USP8: variants seen among roughly 807,000 people sequenced by gnomAD.
USP8 encodes ubiquitin carboxyl-terminal hydrolase 8.
Under a neutral mutation model 130.0 loss-of-function variants are expected in USP8, and 27 were observed. The observed-to-expected ratio is 0.21, with a 90% CI of 0.15 to 0.29. USP8 has a LOEUF of 0.29. USP8 is among the 10% of genes least tolerant of loss of function. USP8 has a pLI of 1.00. For missense variants in USP8, 1,029 were observed against 1,312.2 expected (o/e 0.78, Z 3.33); for synonymous variants, 392 against 444.1 (o/e 0.88, Z 1.48).
At chr15:50,461,424 C>T (rs1337105033) in intron 5 of USP8, among the ~76,000 whole-genome samples, 2 of 145,082 alleles carry the variant, frequency 1.4e-5, no homozygotes, top group Admixed American at 1.4e-4. Flanking sequence ...CAACTGCACT[C>T]CAGCTTGAGC....
chr15:50,439,484 C>T (rs996269282), intron 2 of USP8, among the ~76,000 whole-genome samples: 3 of 152,036 alleles, frequency 2.0e-5, no homozygotes, highest in Non-Finnish European at 2.9e-5. Flanking sequence ...TTTCATAAAA[C>T]GATACAAAAA....
Position 50,493,583 on chromosome 15 carries a change from G to A in USP8, c.2448-487G>A, listed in dbSNP as rs546113190. Reference sequence around the variant, plus strand: ...AGTCTGGGCAACAAGGCAAAACTCCGTCTCTACAAAAATTAGCTAGGTGTG... The same window carrying A: ...AGTCTGGGCAACAAGGCAAAACTCCATCTCTACAAAAATTAGCTAGGTGTG... On this transcript the variant is annotated intron_variant, in intron 15 of 19. Transcript: ENST00000307179. 199 of 473,518 alleles carry A rather than the reference G, an allele frequency of 4.2e-4. 5 individuals carry two copies. Among genetic ancestry groups the A allele is most frequent in the South Asian group, 2.5e-3 (162 of 64,152 alleles). The allele number at this position is 473,518 out of a possible 1,614,324, so 29.3% of individuals were successfully genotyped here. A position where few individuals can be genotyped will look rare whatever the true frequency, so the allele number is the denominator to read the frequency against.
rs927981569 is a variant in USP8 at position 50,502,500 on chromosome 15, C to G, written c.*3412C>G. 2 of 152,390 alleles carry G rather than the reference C, an allele frequency of 1.3e-5. No homozygotes were observed. Among genetic ancestry groups the G allele is most frequent in the African/African-American group, 2.4e-5 (1 of 41,374 alleles). The allele number at this position is 152,390 out of a possible 1,614,324, so 9.4% of individuals were successfully genotyped here. A position where few individuals can be genotyped will look rare whatever the true frequency, so the allele number is the denominator to read the frequency against. ...TCTCCTGCCTCAGCCTCCCAAGTAA[C>G]TGGGATTACAGGCACGCACCACCAC... On this transcript the variant is annotated 3_prime_UTR_variant, in exon 20 of 20. Transcript: ENST00000307179.
intron 10 of USP8, among the ~76,000 whole-genome samples, chr15:50,480,163 T>C (rs1331506727): frequency 6.6e-6 from 1 of 152,238 alleles, no homozygotes; most frequent in Non-Finnish European, 1.5e-5. Flanking sequence ...TTTCTTTCAG[T>C]ACACAGTATT....
intron 12 of USP8, among the ~76,000 whole-genome samples, chr15:50,488,838 G>T (rs935433248): frequency 6.6e-6 from 1 of 151,684 alleles, no homozygotes; most frequent in Admixed American, 6.6e-5. Flanking sequence ...CTCCCAAAGC[G>T]CTGGGATTAC....
At chr15:50,448,316 T>C (rs2141264806) in intron 3 of USP8, among the ~76,000 whole-genome samples, 1 of 152,274 alleles carries the variant, frequency 6.6e-6, no homozygotes, top group East Asian at 1.9e-4. Flanking sequence ...GATCCAGTAA[T>C]CATTTAACTG....
chr15:50,450,882 A>G (rs533050917), intron 4 of USP8, among the ~76,000 whole-genome samples: 16 of 152,194 alleles, frequency 1.1e-4, no homozygotes, highest in South Asian at 2.1e-4. Flanking sequence ...AAATGTTAAT[A>G]GATAAAACCA....
chr15:50,427,839 G>A (rs146850830), intron 1 of USP8, among the ~76,000 whole-genome samples: 127 of 150,806 alleles, frequency 8.4e-4, no homozygotes, highest in African/African-American at 2.8e-3. Context: ...GATTATAGCC[G>A]TGAGCCACCA....
chr15:50,465,745 G>C (rs1430023103), intron 7 of USP8, among the ~76,000 whole-genome samples: 2 of 152,052 alleles, frequency 1.3e-5, no homozygotes, highest in Non-Finnish European at 2.9e-5. Context: ...TGTGATACAC[G>C]CTACACAAAT....
rs1161094463 is a variant in USP8 at position 50,512,098 on chromosome 15, G to C, written c.*13010G>C. On this transcript the variant is annotated 3_prime_UTR_variant, in exon 20 of 20. Coordinates refer to ENST00000307179, the MANE Select transcript of USP8 (RefSeq NM_005154.5). ...GAAGTGGTTCATGCCTGTAATCCGA[G>C]CACTTTGGGAGGCCAAGGTGGGTGC... The C allele has an allele frequency of 1.3e-5, 2 of 152,164 alleles. No individual in the cohort carries two copies. Among genetic ancestry groups the C allele is most frequent in the Non-Finnish European group, 2.9e-5 (2 of 68,044 alleles). 9.4% of individuals were successfully genotyped at this position (152,164 alleles called of 1,614,324 possible).
intron 10 of USP8, among the ~76,000 whole-genome samples, chr15:50,478,689 C>T (rs1392422098): frequency 6.6e-6 from 1 of 152,142 alleles, no homozygotes; most frequent in Non-Finnish European, 1.5e-5. Flanking sequence ...AACGCTAATC[C>T]TTTTGTGTCC....
intron 3 of USP8, among the ~76,000 whole-genome samples, chr15:50,446,911 G>A (rs1264981136): frequency 3.3e-5 from 5 of 152,192 alleles, no homozygotes; most frequent in African/African-American, 4.8e-5. Flanking sequence ...GATTACAAGC[G>A]TGAGCCACCT....
At chr15:50,474,297 C>A (rs1287598548) in intron 8 of USP8, among the ~76,000 whole-genome samples, 1 of 152,140 alleles carries the variant, frequency 6.6e-6, no homozygotes, top group Non-Finnish European at 1.5e-5. Context: ...GCCACCACAC[C>A]CAGTCAATTT....
chr15:50,433,816 A>G (rs34546811), intron 1 of USP8, among the ~76,000 whole-genome samples: 47,456 of 151,980 alleles, frequency 0.31, 7,566 homozygotes, highest in East Asian at 0.46. Flanking sequence ...CGTGTTAGCC[A>G]GGATGGTCTT....
intron 1 of USP8, among the ~76,000 whole-genome samples, chr15:50,436,257 T>G (rs1299254493): frequency 6.6e-6 from 1 of 152,102 alleles, no homozygotes; most frequent in Non-Finnish European, 1.5e-5. Flanking sequence ...CCTAAAGATG[T>G]TCTTTACTTT....
intron 4 of USP8, among the ~76,000 whole-genome samples, chr15:50,455,557 TTTCTC>T (rs2050765120): frequency 6.6e-6 from 1 of 152,244 alleles, no homozygotes; most frequent in Non-Finnish European, 1.5e-5. Context: ...TGCAGCACCT[TTTCTC>T]TTTTATTGTT....
At position 50,513,165 on chromosome 15, in the gene USP8, T is replaced by C. The variant is rs2052759732; in HGVS notation, c.*14077T>C. On this transcript the variant is annotated 3_prime_UTR_variant, in exon 20 of 20. Coordinates refer to ENST00000307179, the MANE Select transcript of USP8 (RefSeq NM_005154.5). ...ATTGGTATAATCACTTGTAGAAAGT[T>C]AAATATGCACATACTTTATGATCTA... is the stretch of plus-strand genomic sequence containing the variant. The C allele has an allele frequency of 6.6e-6, 1 of 152,156 alleles. No homozygotes were observed. Among genetic ancestry groups the C allele is most frequent in the African/African-American group, 2.4e-5 (1 of 41,430 alleles). 9.4% of individuals were successfully genotyped at this position (152,156 alleles called of 1,614,324 possible). A position where few individuals can be genotyped will look rare whatever the true frequency, so the allele number is the denominator to read the frequency against.
intron 4 of USP8, among the ~76,000 whole-genome samples, chr15:50,457,564 G>GAA (rs527284552): frequency 5.3e-4 from 47 of 89,436 alleles, no homozygotes; most frequent in Admixed American, 7.5e-4. Flanking sequence ...TCTCAAAAAA[G>GAA]AAAAAAAAAA....
rs759203735 is a variant in USP8 at position 50,484,305 on chromosome 15, GGA to G, written c.1835_1836del (p.Gly612AspfsTer8). On this transcript the variant is annotated frameshift_variant, in exon 12 of 20. Transcript: ENST00000307179. LOFTEE classifies it high-confidence loss of function. ...PFKIKGQPES[G>X]ILRTGTFRED... ...TAAGATTAAAGGACAACCAGAAAGT[GGA>G]ATTCTAAGGACAGGAACTTTTAGAG... 1 of 1,611,510 alleles carries G rather than the reference GGA, an allele frequency of 6.2e-7. No homozygotes were observed. Among genetic ancestry groups the G allele is most frequent in the Admixed American group, 1.7e-5 (1 of 59,536 alleles).
Sources: gnomAD v4.1 joint callset for allele counts (sites outside exome capture counted in the v4.1 genomes callset) on GRCh38, gnomAD v4.1.1 for gene constraint, MANE v1.5 for transcripts, NCBI Gene and HGNC (gene_info 2026-07-23, HGNC 2026-07-21) for gene names.